The following NHSL1 variants were observed in gnomAD, a reference collection of about 807,000 sequenced individuals.
The protein encoded by NHSL1 is NHS like 1.
NHSL1 carries 48 observed loss-of-function variants against 95.0 expected under a neutral mutation model. The observed-to-expected ratio is 0.51, with a 90% CI of 0.40 to 0.64. The LOEUF (loss-of-function observed/expected upper bound fraction) is 0.64, where lower values mean the gene tolerates loss of function less well. Among genes scored for constraint, NHSL1 ranks in the 30% least tolerant of loss-of-function variants. NHSL1 has a pLI of 0.00. For synonymous variants in NHSL1, 783 were observed against 833.9 expected, an observed-to-expected ratio of 0.94 and a Z score of 1.05; for missense variants, 1,971 against 2,077.7, an observed-to-expected ratio of 0.95 and a Z score of 1.00.
intron 2 of NHSL1, among the ~76,000 whole-genome samples, chr6:138,489,323 T>C (rs1313379903): frequency 1.3e-5 from 2 of 152,214 alleles, no homozygotes; most frequent in Admixed American, 1.3e-4. Flanking sequence ...ACAGATATTA[T>C]GGCCTTTATA....
intron 1 of NHSL1, among the ~76,000 whole-genome samples, chr6:138,625,647 A>T (rs1208091035): frequency 6.7e-5 from 6 of 89,130 alleles, no homozygotes; most frequent in Non-Finnish European, 1.1e-4. Context: ...TAATTAAAAA[A>T]AAAAAAAAAA....
intron 1 of NHSL1, among the ~76,000 whole-genome samples, chr6:138,602,180 T>C (rs1784378965): frequency 6.6e-6 from 1 of 152,238 alleles, no homozygotes. Context: ...ATCTTTACTA[T>C]GGTGTGTCTT....
intron 2 of NHSL1, among the ~76,000 whole-genome samples, chr6:138,477,557 T>A (rs1779152788): frequency 6.6e-6 from 1 of 152,204 alleles, no homozygotes; most frequent in Non-Finnish European, 1.5e-5. Context: ...GAGCTATGAT[T>A]GGGCTACTGC....
chr6:138,572,331 G>T (rs544623029), exon 1 of NHSL1: 139 of 156,604 alleles, frequency 8.9e-4, no homozygotes, highest in African/African-American at 3.2e-3. Context: ...CCTCTCCTGG[G>T]CATCTTTCCC....
chr6:138,644,017 A>T (rs1308243175), intron 1 of NHSL1, among the ~76,000 whole-genome samples: 1 of 151,246 alleles, frequency 6.6e-6, no homozygotes, highest in Admixed American at 6.6e-5. Flanking sequence ...AAAAAAAAAA[A>T]GCTAAGCAGC....
intron 1 of NHSL1, among the ~76,000 whole-genome samples, chr6:138,604,586 T>C (rs564243879): frequency 4.6e-5 from 7 of 152,326 alleles, no homozygotes; most frequent in African/African-American, 1.7e-4. Context: ...GGTGAATGAA[T>C]GAATGAATGA....
In NHSL1 at chr6:138,430,876, C is replaced by T. The variant is rs1362342755; in HGVS notation, c.3469G>A (p.Gly1157Ser). The T allele has an allele frequency of 1.7e-5, 26 of 1,551,262 alleles. 1 individual carries two copies. In the East Asian group the frequency reaches 5.9e-4, roughly 35 times the overall value. ...QGDHGSAAER[G>S]GPVSRSPGAP... The stretch of plus-strand genomic sequence containing the variant: ...CCAGGGCTGCGGCTCACAGGGCCAC[C>T]ACGCTCAGCCGCACTGCCATGGTCA... Residue 1157 changes from glycine to serine, a missense_variant, in exon 6 of 8, where the codon GGT becomes AGT. Gly to Ser is a moderately conservative substitution (Grantham distance 56). This residue lies in a region of NHSL1 where 1,602 missense variants were observed against 1,654.5 expected (regional missense o/e 0.97). Transcript: ENST00000343505. The surrounding 1 kb of genome is among the most constrained non-coding windows in gnomAD (Gnocchi z 4.7).
intron 1 of NHSL1, among the ~76,000 whole-genome samples, chr6:138,644,651 C>G (rs7738153): frequency 6.6e-6 from 1 of 152,102 alleles, no homozygotes; most frequent in African/African-American, 2.4e-5. Context: ...ACTGTTATTA[C>G]CTGAAAATCT....
rs540796430 is a variant in NHSL1, at chr6:138,587,794, T to A, written c.97-91423A>T. Among the ~76,000 whole-genome samples, 3 of 152,360 alleles carry A rather than the reference T, an allele frequency of 2.0e-5. No individual in the cohort carries two copies. The South Asian group carries it at 6.2e-4, about 32-fold the overall frequency. ...TGGAACATGCCAAGGTCAGTGGGTC[T>A]CTGAGTCTAAAAAGACACAACCTGG... On this transcript the variant is annotated intron_variant, in intron 1 of 3. Transcript: ENST00000491526.
upstream of NHSL1, among the ~76,000 whole-genome samples, chr6:138,503,144 A>G (rs1780776376): frequency 6.6e-6 from 1 of 152,106 alleles, no homozygotes; most frequent in Non-Finnish European, 1.5e-5. Flanking sequence ...GACTCCTACT[A>G]ATGGTGTTTT....
At chr6:138,618,606 T>C (rs190996712) in intron 1 of NHSL1, among the ~76,000 whole-genome samples, 11 of 152,308 alleles carry the variant, frequency 7.2e-5, no homozygotes, top group Middle Eastern at 3.4e-3. Flanking sequence ...TTTTTTTAAA[T>C]GAACACATTT....
At chr6:138,688,888 T>G (rs1045286097) in intron 1 of NHSL1, among the ~76,000 whole-genome samples, 1 of 152,218 alleles carries the variant, frequency 6.6e-6, no homozygotes, top group African/African-American at 2.4e-5. Flanking sequence ...AAGTTTACAT[T>G]TTTATTTTTG....
chr6:138,529,761 A>T (rs1421099163), intron 1 of NHSL1, among the ~76,000 whole-genome samples: 1 of 152,158 alleles, frequency 6.6e-6, no homozygotes, highest in African/African-American at 2.4e-5. Flanking sequence ...TCTGCCATCA[A>T]CCAGAGAGAG....
chr6:138,522,778 T>C (rs1451382466), intron 1 of NHSL1, among the ~76,000 whole-genome samples: 1 of 152,112 alleles, frequency 6.6e-6, no homozygotes, highest in Admixed American at 6.6e-5. Flanking sequence ...GCCACTGCAC[T>C]CCAGCCTGCT....
chr6:138,555,217 T>C (rs541153440), intron 1 of NHSL1, among the ~76,000 whole-genome samples: 1 of 152,336 alleles, frequency 6.6e-6, no homozygotes, highest in South Asian at 2.1e-4. Flanking sequence ...TACCTCTCTC[T>C]TTCTCTTTCT....
Position 138,589,921 on chromosome 6 carries a change from G to A in NHSL1, c.97-93550C>T, listed in dbSNP as rs777739900. 5.5e-4 allele frequency among the ~76,000 whole-genome samples: 83 copies of A among 152,120 alleles called. 1 individual carries two copies. Among genetic ancestry groups the A allele is most frequent in the Non-Finnish European group, 1.2e-4 (8 of 68,028 alleles). On this transcript the variant is annotated intron_variant, in intron 1 of 3. Coordinates refer to the NHSL1 transcript ENST00000491526. ...GGTCCCCAGCCACCTCACAAATGAA[G>A]ACACTGAATGTGCTGACCGGGCTGG...
chr6:138,614,904 C>T (rs947334859), intron 1 of NHSL1, among the ~76,000 whole-genome samples: 6 of 152,096 alleles, frequency 3.9e-5, no homozygotes, highest in Admixed American at 1.3e-4. Flanking sequence ...ACTTTCATCC[C>T]GAAACAACCA....
chr6:138,641,506 A>G (rs1784958749), intron 1 of NHSL1, among the ~76,000 whole-genome samples: 1 of 151,964 alleles, frequency 6.6e-6, no homozygotes, highest in African/African-American at 2.4e-5. Flanking sequence ...TGAATAAAGA[A>G]AAAATATTCA....
In NHSL1 at chr6:138,666,590, C is replaced by CAAA. The variant is rs10564684; in HGVS notation, c.96+25883_96+25885dup. On this transcript the variant is annotated intron_variant, in intron 1 of 3. Transcript: ENST00000491526. ...CTAGACACAGAGCAAGCCTCCATCTCAAAAAAAAAAAAAAAAAAAAAGAAG... is the reference window on the plus strand; with the variant it reads ...CTAGACACAGAGCAAGCCTCCATCTCAAAAAAAAAAAAAAAAAAAAAAAAGAAG... Among the ~76,000 whole-genome samples, 254 of 88,914 alleles carry CAAA rather than the reference C, an allele frequency of 2.9e-3. 1 individual carries two copies. Among genetic ancestry groups the CAAA allele is most frequent in the Middle Eastern group, 0.013 (2 of 156 alleles). 58.3% of individuals were successfully genotyped at this position (88,914 alleles called of 152,430 possible).
Sources: gnomAD v4.1 joint callset for allele counts (sites outside exome capture counted in the v4.1 genomes callset) on GRCh38, gnomAD v4.1.1 for gene constraint, gnomAD v4.1.1 regional missense constraint, Gnocchi (gnomAD v3.1) non-coding constraint, MANE v1.5 for transcripts, NCBI Gene and HGNC (gene_info 2026-07-23, HGNC 2026-07-21) for gene names.